PSPC1: variants seen among roughly 807,000 people sequenced by gnomAD.
PSPC1 encodes the protein paraspeckle protein 1.
Under a neutral mutation model 51.6 loss-of-function variants are expected in PSPC1, and 14 were observed. The ratio of observed to expected loss-of-function variants is 0.27; its 90% CI spans 0.18 to 0.42. The LOEUF (loss-of-function observed/expected upper bound fraction) is 0.42, where lower values mean the gene tolerates loss of function less well. Among genes scored for constraint, PSPC1 ranks in the 10% least tolerant of loss-of-function variants. The pLI is 1.00. For synonymous variants in PSPC1, 193 were observed against 231.9 expected (o/e 0.83, Z 1.53); for missense variants, 406 against 701.1 (o/e 0.58, Z 4.75).
chr13:19,687,682 A>G (rs1251314080), intron 6 of PSPC1, among the ~76,000 whole-genome samples: 1 of 10,954 alleles, frequency 9.1e-5, no homozygotes, highest in Non-Finnish European at 3.0e-4. Flanking sequence ...AGTCGTGACC[A>G]TATCATAATC....
Position 19,782,047 on chromosome 13 carries a change from G to C in PSPC1, c.372+339C>G, listed in dbSNP as rs1455706557. 6.6e-6 allele frequency among the ~76,000 whole-genome samples: 1 copy of C among 152,220 alleles called. No homozygotes were observed. Among genetic ancestry groups the C allele is most frequent in the Non-Finnish European group, 1.5e-5 (1 of 68,038 alleles). On this transcript the variant is annotated intron_variant, in intron 1 of 8. Coordinates refer to ENST00000338910, the MANE Select transcript of PSPC1 (RefSeq NM_001354909.2). The surrounding 1 kb of genome is among the most constrained non-coding windows in gnomAD (Gnocchi z 4.5). The stretch of plus-strand genomic sequence containing the variant: ...GTCCCCGGACCCTTTCGGTACCCGG[G>C]GCAACGGGGAACCCGGGAGCGCTCG...
rs900222107 is a variant in PSPC1, at chr13:19,709,110, G to A, written c.1216+432C>T. Among the ~76,000 whole-genome samples the A allele has an allele frequency of 2.9e-4, 37 of 126,326 alleles. 1 individual carries two copies. Among genetic ancestry groups the A allele is most frequent in the South Asian group, 5.5e-4 (2 of 3,634 alleles). 82.9% of individuals were successfully genotyped at this position (126,326 alleles called of 152,430 possible). On this transcript the variant is annotated intron_variant, in intron 7 of 8. Coordinates refer to ENST00000338910, the MANE Select transcript of PSPC1 (RefSeq NM_001354909.2). ...GGAAGTCGAGGTTTCAGCAAGCCAA[G>A]TTTGTGCCACTGTACTCCAGCCTGG... is the stretch of plus-strand genomic sequence containing the variant.
rs899216235 is a variant in PSPC1 at position 19,774,832 on chromosome 13, G to C, written c.373-2289C>G. On this transcript the variant is annotated intron_variant, in intron 1 of 8. Coordinates refer to ENST00000338910, the MANE Select transcript of PSPC1 (RefSeq NM_001354909.2). ...AAAAAAAAAAAACAAAAAAAAAAAA[G>C]AAAAAGAAAAAGAAAGAAAGAAAAG... Among the ~76,000 whole-genome samples, 67 of 141,036 alleles carry C rather than the reference G, an allele frequency of 4.8e-4. No individual in the cohort carries two copies. In the South Asian group the frequency reaches 0.012, roughly 25 times the overall value. The allele number at this position is 141,036 out of a possible 152,430, so 92.5% of individuals were successfully genotyped here.
chr13:19,738,270 G>T (rs1373786837), intron 5 of PSPC1, among the ~76,000 whole-genome samples: 1 of 152,054 alleles, frequency 6.6e-6, no homozygotes, highest in Non-Finnish European at 1.5e-5. Context: ...TTTCTCTAAT[G>T]ATGAGAAATT....
intron 6 of PSPC1, among the ~76,000 whole-genome samples, chr13:19,716,798 T>C (rs1178436161): frequency 2.0e-5 from 3 of 152,168 alleles, no homozygotes; most frequent in Non-Finnish European, 4.4e-5. Context: ...TATTTTAGTG[T>C]GAGCAAACTA....
chr13:19,736,500 A>T (rs9508866), intron 5 of PSPC1, among the ~76,000 whole-genome samples: 11 of 151,756 alleles, frequency 7.2e-5, no homozygotes, highest in South Asian at 2.1e-4. Flanking sequence ...TGGCTAACAC[A>T]GTGAAACCCC....
intron 6 of PSPC1, among the ~76,000 whole-genome samples, chr13:19,720,310 G>A (rs976187817): frequency 6.6e-6 from 1 of 152,142 alleles, no homozygotes; most frequent in Non-Finnish European, 1.5e-5. Context: ...CCAGGTCAAG[G>A]TATGAAAGGT....
At chr13:19,682,696 T>A (rs1416225092) in intron 6 of PSPC1, among the ~76,000 whole-genome samples, 2 of 152,132 alleles carry the variant, frequency 1.3e-5, no homozygotes, top group Admixed American at 6.5e-5. Context: ...ATCTTATACA[T>A]TGTTCATGGG....
intron 7 of PSPC1, among the ~76,000 whole-genome samples, chr13:19,706,502 T>G (rs1298581209): frequency 6.6e-6 from 1 of 152,140 alleles, no homozygotes; most frequent in Non-Finnish European, 1.5e-5. Context: ...AAAATATTAA[T>G]ATAGCTATCT....
chr13:19,688,903 C>T (rs1878237290), intron 6 of PSPC1, among the ~76,000 whole-genome samples: 1 of 150,948 alleles, frequency 6.6e-6, no homozygotes, highest in South Asian at 2.1e-4. Flanking sequence ...ATCAAAGACA[C>T]ATTCACATTA....
chr13:19,724,083 G>A (rs1206609475), intron 6 of PSPC1, among the ~76,000 whole-genome samples: 3 of 152,122 alleles, frequency 2.0e-5, no homozygotes, highest in Admixed American at 6.6e-5. Context: ...TGTAAAATGT[G>A]TCTTTTGTTT....
At chr13:19,701,803 T>G (rs1228765056), downstream of PSPC1, among the ~76,000 whole-genome samples, 1 of 152,220 alleles carries the variant, frequency 6.6e-6, no homozygotes, top group Non-Finnish European at 1.5e-5. Context: ...CAAACCATAA[T>G]GATGTTTTAT....
intron 7 of PSPC1, chr13:19,675,960 TAGAA>T (rs1448440016): frequency 2.0e-5 from 3 of 152,228 alleles, no homozygotes; most frequent in South Asian, 4.1e-4. Context: ...CTGACTTTGT[TAGAA>T]AGCAAAATCT....
chr13:19,696,968 T>C (rs949815535), intron 6 of PSPC1, among the ~76,000 whole-genome samples: 6 of 152,184 alleles, frequency 3.9e-5, no homozygotes, highest in African/African-American at 1.2e-4. Context: ...ATAGCTAATA[T>C]GTTTCCTAGT....
intron 7 of PSPC1, chr13:19,675,901 A>AAAC (rs1169889887): frequency 6.6e-6 from 1 of 152,206 alleles, no homozygotes. Context: ...GCCTTTTAAT[A>AAAC]ATTTTACTTT....
At chr13:19,766,382 T>A (rs191019748) in intron 2 of PSPC1, among the ~76,000 whole-genome samples, 84 of 152,118 alleles carry the variant, frequency 5.5e-4, no homozygotes, top group Admixed American at 2.1e-3. Context: ...CAAATCAATC[T>A]ATCAATCAAT....
At chr13:19,711,240 C>T (rs1881369978) in intron 6 of PSPC1, among the ~76,000 whole-genome samples, 1 of 152,128 alleles carries the variant, frequency 6.6e-6, no homozygotes, top group Admixed American at 6.5e-5. Context: ...TAGACTGAGG[C>T]GGGGTGCAGT....
intron 6 of PSPC1, among the ~76,000 whole-genome samples, chr13:19,691,777 G>A (rs1878585350): frequency 6.6e-6 from 1 of 152,114 alleles, no homozygotes; most frequent in Admixed American, 6.5e-5. Context: ...TATCAGCCGG[G>A]GATGGTGGCA....
chr13:19,739,293 C>T (rs1311439715), intron 5 of PSPC1, among the ~76,000 whole-genome samples: 3 of 152,046 alleles, frequency 2.0e-5, no homozygotes, highest in Non-Finnish European at 2.9e-5. Context: ...GGAATCCACC[C>T]CTCATATTGT....
Sources: allele counts gnomAD v4.1 joint callset (sites outside exome capture counted in the v4.1 genomes callset), GRCh38; gene constraint gnomAD v4.1.1; non-coding constraint Gnocchi (gnomAD v3.1); transcripts MANE v1.5; gene names NCBI Gene and HGNC (gene_info 2026-07-23, HGNC 2026-07-21).